Variants in ADCY1 observed in about 807,000 individuals in gnomAD.
ADCY1 encodes adenylate cyclase 1, also known as adenylate cyclase type 1.
ADCY1 carries 28 observed loss-of-function variants against 105.4 expected under a neutral mutation model. That is an observed-to-expected ratio of 0.27 (90% CI 0.20 to 0.36). The LOEUF is 0.36. ADCY1 is among the 10% of genes least tolerant of loss of function. The pLI, the probability that ADCY1 is intolerant of heterozygous loss-of-function variation, is 1.00. For missense variants in ADCY1, 977 were observed against 1,434.2 expected, an observed-to-expected ratio of 0.68 and a Z score of 5.15; for synonymous variants, 655 against 623.8, an observed-to-expected ratio of 1.05 and a Z score of -0.75.
rs1242864839 is a variant in ADCY1, at chr7:45,686,215, G to A, written c.2327G>A (p.Gly776Glu). ...GAGCTCAGCGGATACACCAGGACTG[G>A]GTAAGTGTGTGGCTCCTCAAGAAAA... Reference protein sequence around the residue: ...VLELSGYTRTGGGAVSGRSYE... With the variant: ...VLELSGYTRTEGGAVSGRSYE... The change falls in exon 13 of 20, where the codon GGG becomes GAG. Residue 776 changes from glycine to glutamate, a missense_variant and splice_region_variant. Around this residue, in one of 7 missense-constraint regions of ADCY1, gnomAD observed 275 missense variants for 362.1 expected, o/e 0.76. Coordinates refer to ENST00000297323, the MANE Select transcript of ADCY1 (RefSeq NM_021116.4). The surrounding 1 kb of genome is among the most constrained non-coding windows in gnomAD (Gnocchi z 4.3). The A allele has an allele frequency of 6.2e-7, 1 of 1,612,730 alleles. No homozygotes were observed. The highest frequency in any genetic ancestry group is 1.3e-5 in the African/African-American group (1 of 74,898).
At position 45,714,249 on chromosome 7, in the gene ADCY1, A is replaced by G. The variant is rs1363815035; in HGVS notation, c.*254A>G. 3.9e-6 allele frequency: 2 copies of G among 517,696 alleles called. No homozygotes were observed. The highest frequency in any genetic ancestry group is 6.8e-6 in the Non-Finnish European group (2 of 292,466). The allele number at this position is 517,696 out of a possible 1,614,324, so 32.1% of individuals were successfully genotyped here. ...TCCAGGCCTCCCTGGAGAGGTGTCC[A>G]CTCCATCCTTCCCTCCGTGGCGTAG... On this transcript the variant is annotated 3_prime_UTR_variant, in exon 20 of 20. Coordinates refer to ENST00000297323, the MANE Select transcript of ADCY1 (RefSeq NM_021116.4).
chr7:45,579,505 A>C (rs1235984699), intron 1 of ADCY1, among the ~76,000 whole-genome samples: 3 of 144,796 alleles, frequency 2.1e-5, no homozygotes, highest in East Asian at 4.0e-4. Context: ...TTCCCCTCCC[A>C]CTGGCCCGCT....
At chr7:45,625,237 C>G (rs1298099456) in intron 4 of ADCY1, among the ~76,000 whole-genome samples, 2 of 152,230 alleles carry the variant, frequency 1.3e-5, no homozygotes, top group Non-Finnish European at 2.9e-5. Context: ...GTCACATGCT[C>G]TGTCATCTCA....
intron 11 of ADCY1, among the ~76,000 whole-genome samples, chr7:45,683,249 C>T (rs1038397738): frequency 2.6e-5 from 4 of 152,184 alleles, no homozygotes; most frequent in African/African-American, 9.7e-5. Context: ...CCCCAGACCC[C>T]CTTGTCATTA....
chr7:45,580,541 C>T (rs985664973), intron 1 of ADCY1, among the ~76,000 whole-genome samples: 1 of 152,226 alleles, frequency 6.6e-6, no homozygotes, highest in East Asian at 1.9e-4. Flanking sequence ...CAATAACTCA[C>T]ACTGTAGTCC....
intron 2 of ADCY1, among the ~76,000 whole-genome samples, chr7:45,603,651 C>T (rs771936694): frequency 2.6e-5 from 4 of 152,086 alleles, no homozygotes; most frequent in Non-Finnish European, 4.4e-5. Flanking sequence ...ATGGAACATC[C>T]GTCACCCTGA....
chr7:45,596,898 G>A (rs1001614185), intron 2 of ADCY1, among the ~76,000 whole-genome samples: 2 of 152,184 alleles, frequency 1.3e-5, no homozygotes, highest in African/African-American at 2.4e-5. Flanking sequence ...GTAAGTGCGT[G>A]GAGGCAGGGG....
At chr7:45,586,355 A>G (rs531647508) in intron 1 of ADCY1, among the ~76,000 whole-genome samples, 24 of 152,326 alleles carry the variant, frequency 1.6e-4, no homozygotes, top group Admixed American at 5.9e-4. Context: ...AGCTTCACGC[A>G]TTAGAAACCT....
At chr7:45,600,818 G>A (rs1428222748) in intron 2 of ADCY1, among the ~76,000 whole-genome samples, 1 of 152,136 alleles carries the variant, frequency 6.6e-6, no homozygotes, top group African/African-American at 2.4e-5. Flanking sequence ...CACACCCTTG[G>A]TGTCTCTCTG....
At chr7:45,705,380 C>G (rs76524863) in intron 17 of ADCY1, among the ~76,000 whole-genome samples, 2,249 of 152,274 alleles carry the variant, frequency 0.015, 47 homozygotes, top group African/African-American at 0.05. Flanking sequence ...ACTAAAACTG[C>G]ATTGGATTTT....
At chr7:45,648,014 A>G (rs1395191681) in intron 4 of ADCY1, among the ~76,000 whole-genome samples, 1 of 152,242 alleles carries the variant, frequency 6.6e-6, no homozygotes, top group African/African-American at 2.4e-5. Flanking sequence ...GATTGATCCA[A>G]GTAAGACAAT....
At chr7:45,711,630 TATATATATATATATAC>T (rs61722879) in intron 19 of ADCY1, among the ~76,000 whole-genome samples, 21,052 of 59,840 alleles carry the variant, frequency 0.35, 2,235 homozygotes, top group Middle Eastern at 0.45. Flanking sequence ...TATATATATA[TATATATATATATATAC>T]ACACACACAC....
chr7:45,643,831 C>T (rs888281830), intron 4 of ADCY1, among the ~76,000 whole-genome samples: 3 of 152,126 alleles, frequency 2.0e-5, no homozygotes, highest in Non-Finnish European at 4.4e-5. Context: ...GTAGTGCATG[C>T]ACTGTGAAAC....
Position 45,686,479 on chromosome 7 carries a change from GT to G in ADCY1, c.2328-65del. 1 of 1,557,414 alleles carries G rather than the reference GT, an allele frequency of 6.4e-7. No individual in the cohort carries two copies. The highest frequency in any genetic ancestry group is 1.2e-5 in the South Asian group (1 of 81,528). ...GAGGGTCACTCTGAACAGTTCTTGG[GT>G]TTGGTGGCAGAGTCTTGCCCTGGAA... On this transcript the variant is annotated intron_variant, in intron 13 of 19. Coordinates refer to ENST00000297323, the MANE Select transcript of ADCY1 (RefSeq NM_021116.4). The surrounding 1 kb of genome is among the most constrained non-coding windows in gnomAD (Gnocchi z 4.3).
intron 8 of ADCY1, among the ~76,000 whole-genome samples, chr7:45,676,521 T>C (rs1296925969): frequency 1.3e-5 from 2 of 152,090 alleles, no homozygotes; most frequent in Non-Finnish European, 1.5e-5. Flanking sequence ...CTTTACAGCA[T>C]TGGGGCAGTG....
At chr7:45,704,859 C>G (rs548882129) in intron 17 of ADCY1, among the ~76,000 whole-genome samples, 46 of 152,132 alleles carry the variant, frequency 3.0e-4, no homozygotes, top group South Asian at 2.1e-3. Flanking sequence ...GACACCTCCC[C>G]CTAGAACCCT....
chr7:45,657,591 C>A, intron 5 of ADCY1, 136 bp from the exon 6 acceptor site: 1 of 949,514 alleles, frequency 1.1e-6, no homozygotes. Flanking sequence ...GCCAGGAGAC[C>A]TCCACGCTCA....
At chr7:45,635,244 T>C (rs1308478382) in intron 4 of ADCY1, among the ~76,000 whole-genome samples, 1 of 151,892 alleles carries the variant, frequency 6.6e-6, no homozygotes, top group Non-Finnish European at 1.5e-5. Flanking sequence ...CTTTTATCCA[T>C]GGTTTTGGTA....
intron 6 of ADCY1, among the ~76,000 whole-genome samples, chr7:45,659,452 G>T (rs1795031527): frequency 6.6e-6 from 1 of 152,216 alleles, no homozygotes; most frequent in African/African-American, 2.4e-5. Context: ...GACTGTGGGT[G>T]TTCGTTTTCT....
Sources: allele counts gnomAD v4.1 joint callset (sites outside exome capture counted in the v4.1 genomes callset), GRCh38; gene constraint gnomAD v4.1.1; regional missense constraint gnomAD v4.1.1; non-coding constraint Gnocchi (gnomAD v3.1); transcripts MANE v1.5; gene names NCBI Gene and HGNC (gene_info 2026-07-23, HGNC 2026-07-21).